MYO5A: variants seen among roughly 807,000 people sequenced by gnomAD.
The protein encoded by MYO5A is myosin VA.
MYO5A carries 98 observed loss-of-function variants against 249.7 expected under a neutral mutation model. The ratio of observed to expected loss-of-function variants is 0.39; its 90% CI spans 0.33 to 0.46. MYO5A has a LOEUF of 0.46. MYO5A is among the 20% of genes least tolerant of loss of function. MYO5A has a pLI of 0.98. For missense variants in MYO5A, 1,696 were observed against 2,308.8 expected, an observed-to-expected ratio of 0.73 and a Z score of 5.44; for synonymous variants, 778 against 810.6, an observed-to-expected ratio of 0.96 and a Z score of 0.68.
intron 15 of MYO5A, among the ~76,000 whole-genome samples, 157 bp downstream of exon 15, chr15:52,384,004 A>C (rs1028070777): frequency 6.6e-6 from 1 of 152,234 alleles, no homozygotes; most frequent in Non-Finnish European, 1.5e-5. Flanking sequence ...AACTGGGTGG[A>C]GAAGAGTTTT....
intron 28 of MYO5A, among the ~76,000 whole-genome samples, chr15:52,349,801 T>C (rs921540315): frequency 6.6e-6 from 1 of 152,114 alleles, no homozygotes; most frequent in Non-Finnish European, 1.5e-5. Context: ...CCTTGTTTCT[T>C]GAGGCCCAGC....
intron 1 of MYO5A, among the ~76,000 whole-genome samples, chr15:52,486,851 C>T (rs2076831468): frequency 6.6e-6 from 1 of 152,122 alleles, no homozygotes; most frequent in Non-Finnish European, 1.5e-5. Flanking sequence ...AACTGAGGCT[C>T]TATAGAAGAT....
At chr15:52,412,499 G>A (rs970730280) in intron 5 of MYO5A, among the ~76,000 whole-genome samples, 1 of 152,182 alleles carries the variant, frequency 6.6e-6, no homozygotes. Flanking sequence ...TAATCTCTTT[G>A]AGGAGCATTA....
intron 21 of MYO5A, among the ~76,000 whole-genome samples, chr15:52,371,822 A>T (rs2041131890): frequency 6.6e-6 from 1 of 151,692 alleles, no homozygotes; most frequent in Admixed American, 6.6e-5. Context: ...GTGAGCTGTG[A>T]CCATGCCACT....
intron 1 of MYO5A, among the ~76,000 whole-genome samples, chr15:52,492,837 G>GC (rs2076961441): frequency 6.6e-6 from 1 of 152,240 alleles, no homozygotes; most frequent in Admixed American, 6.5e-5. Flanking sequence ...TGAAGTTGGG[G>GC]CCCGGGCACA....
rs955773227 is a variant in MYO5A, at chr15:52,327,744, T to A, written c.4710+108A>T. 1.6e-5 allele frequency: 19 copies of A among 1,224,892 alleles called. No individual in the cohort carries two copies. The African/African-American group carries it at 2.8e-4, about 18-fold the overall frequency. The allele number at this position is 1,224,892 out of a possible 1,614,324, so 75.9% of individuals were successfully genotyped here. ...AGGTAAGTAAATAAAAATTGGAAAG[T>A]TTTAATAACAAGCAACTTAGCTAAA... On this transcript the variant is annotated intron_variant, in intron 36 of 41. Transcript: ENST00000399233.
intron 22 of MYO5A, 37 bp from the exon 23 acceptor site, chr15:52,367,161 G>T: frequency 6.4e-7 from 1 of 1,555,340 alleles, no homozygotes; most frequent in Non-Finnish European, 8.9e-7. Flanking sequence ...TGGTTGCAAT[G>T]GACAGAGGAA....
chr15:52,405,200 G>A, intron 9 of MYO5A, 87 bp downstream of exon 9: 2 of 926,178 alleles, frequency 2.2e-6, no homozygotes, highest in Non-Finnish European at 3.5e-6. Flanking sequence ...TTGATAGAGA[G>A]ACTTAAACTA....
chr15:52,437,091 G>C (rs2075680224), intron 1 of MYO5A, among the ~76,000 whole-genome samples: 1 of 152,160 alleles, frequency 6.6e-6, no homozygotes, highest in Non-Finnish European at 1.5e-5. Context: ...TATCAAACAT[G>C]TTACTGAAAT....
intron 38 of MYO5A, 128 bp downstream of exon 38, chr15:52,321,231 G>C: frequency 8.2e-7 from 1 of 1,222,772 alleles, no homozygotes; most frequent in Non-Finnish European, 1.2e-6. Context: ...GCTAATTTTA[G>C]CCCTGTATCT....
intron 34 of MYO5A, among the ~76,000 whole-genome samples, chr15:52,330,955 A>G (rs1164564660): frequency 6.6e-6 from 1 of 152,222 alleles, no homozygotes; most frequent in Non-Finnish European, 1.5e-5. Flanking sequence ...TGGCTCAATG[A>G]CTTTAGCCAT....
chr15:52,416,247 T>G lies in MYO5A; in HGVS notation c.510A>C (p.Thr170=), dbSNP rs1056761148. 3 of 1,614,110 alleles carry G rather than the reference T, an allele frequency of 1.9e-6. No homozygotes were observed. Among genetic ancestry groups the G allele is most frequent in the Admixed American group, 3.3e-5 (2 of 60,002 alleles). The change falls in exon 5 of 42, where the codon ACA becomes ACC. Residue 170 remains threonine (T), a synonymous_variant. Coordinates refer to ENST00000399233, the MANE Select transcript of MYO5A (RefSeq NM_001382347.1). ...IVSGESGAGK[T]VSAKYAMRYF... is the part of the protein sequence containing the mutation. Reference sequence around the variant, plus strand: ...ATCGCATGGCATACTTAGCTGAGACTGTTTTTCCTGCCCCAGACTCTCCAC... The same window carrying G: ...ATCGCATGGCATACTTAGCTGAGACGGTTTTTCCTGCCCCAGACTCTCCAC...
chr15:52,475,823 T>C (rs914653118), intron 1 of MYO5A, among the ~76,000 whole-genome samples: 1 of 152,212 alleles, frequency 6.6e-6, no homozygotes, highest in Non-Finnish European at 1.5e-5. Flanking sequence ...TGGTCAATTT[T>C]GGAATAAGTG....
chr15:52,372,393 C>A (rs1192484274), intron 20 of MYO5A, 30 bp from the exon 21 acceptor site: 21 of 1,598,340 alleles, frequency 1.3e-5, no homozygotes, highest in Non-Finnish European at 1.5e-5. Flanking sequence ...CAAGCAATGT[C>A]AAGACCCTGG....
At chr15:52,497,046 C>G (rs963820026) in intron 1 of MYO5A, among the ~76,000 whole-genome samples, 1 of 152,192 alleles carries the variant, frequency 6.6e-6, no homozygotes, top group African/African-American at 2.4e-5. Context: ...ACTGCAACTT[C>G]CACCTCTCAG....
At chr15:52,359,040 T>C (rs2040388881) in intron 25 of MYO5A, among the ~76,000 whole-genome samples, 1 of 152,232 alleles carries the variant, frequency 6.6e-6, no homozygotes, top group African/African-American at 2.4e-5. Flanking sequence ...CTACCATTTA[T>C]AAGCTGTGAA....
intron 12 of MYO5A, 135 bp from the exon 13 acceptor site, chr15:52,389,498 C>T: frequency 1.2e-6 from 1 of 830,622 alleles, no homozygotes; most frequent in Non-Finnish European, 1.8e-6. Context: ...TTTAGGAGTT[C>T]ATTCCTTCCA....
intron 16 of MYO5A, among the ~76,000 whole-genome samples, chr15:52,382,163 A>C (rs1276722752): frequency 6.6e-6 from 1 of 152,172 alleles, no homozygotes; most frequent in African/African-American, 2.4e-5. Context: ...CTGGCCTCCC[A>C]AGTGCTGGGA....
At chr15:52,501,044 G>A (rs1042158129) in intron 1 of MYO5A, among the ~76,000 whole-genome samples, 4 of 151,226 alleles carry the variant, frequency 2.6e-5, no homozygotes, top group Non-Finnish European at 4.4e-5. Context: ...ATCTTGGCTC[G>A]CTGCAAGCTC....
Sources: gnomAD v4.1 joint callset for allele counts (sites outside exome capture counted in the v4.1 genomes callset) on GRCh38, gnomAD v4.1.1 for gene constraint, MANE v1.5 for transcripts, NCBI Gene and HGNC (gene_info 2026-07-23, HGNC 2026-07-21) for gene names.